Variants in CAPN8 observed in about 807,000 individuals in gnomAD.
The protein encoded by CAPN8 is calpain 8.
In CAPN8, 87 loss-of-function variants were observed where a neutral mutation model predicts 80.9. The ratio of observed to expected loss-of-function variants is 1.07; its 90% CI spans 0.90 to 1.28. CAPN8 has a LOEUF of 1.28. Ranked by LOEUF, CAPN8 falls within the 50% of genes most tolerant of loss-of-function variation. The probability of loss-of-function intolerance (pLI) is 0.00; values close to 1 mark genes in which losing one functional copy is unlikely to be tolerated. For synonymous variants in CAPN8, 299 were observed against 273.8 expected (o/e 1.09, Z -0.91); for missense variants, 757 against 702.0 (o/e 1.08, Z -0.89).
intron 2 of CAPN8, among the ~76,000 whole-genome samples, chr1:223,639,947 G>A (rs936762138): frequency 5.9e-5 from 9 of 152,238 alleles, no homozygotes; most frequent in African/African-American, 2.2e-4. Context: ...CCATGTGGAA[G>A]CTGAAGTAAA....
At chr1:223,628,424 G>A (rs779674034) in intron 3 of CAPN8, among the ~76,000 whole-genome samples, 1 of 152,226 alleles carries the variant, frequency 6.6e-6, no homozygotes, top group African/African-American at 2.4e-5. Context: ...TCAGTCCACA[G>A]GGCTTTCCTG....
intron 2 of CAPN8, among the ~76,000 whole-genome samples, chr1:223,649,019 A>G (rs1405251194): frequency 1.3e-5 from 2 of 152,208 alleles, no homozygotes; most frequent in Non-Finnish European, 2.9e-5. Context: ...ACCTAGTAGC[A>G]TGTGTTATTC....
chr1:223,624,622 G>A (rs1358803454), intron 6 of CAPN8, among the ~76,000 whole-genome samples: 1 of 152,054 alleles, frequency 6.6e-6, no homozygotes, highest in African/African-American at 2.4e-5. Context: ...GCTGAAGCAG[G>A]AGGGTCACTT....
At chr1:223,639,257 A>T (rs1657985543) in intron 2 of CAPN8, among the ~76,000 whole-genome samples, 1 of 152,182 alleles carries the variant, frequency 6.6e-6, no homozygotes, top group Admixed American at 6.5e-5. Context: ...AAAAAAATAA[A>T]ATAAAATAAA....
At chr1:223,623,364 T>C (rs974544821) in intron 6 of CAPN8, among the ~76,000 whole-genome samples, 1 of 152,234 alleles carries the variant, frequency 6.6e-6, no homozygotes, top group Non-Finnish European at 1.5e-5. Context: ...AGATAAAGAA[T>C]TATCTTCATT....
intron 11 of CAPN8, 135 bp from the exon 12 acceptor site, chr1:223,609,499 C>A (rs1656979899): frequency 2.5e-6 from 1 of 397,102 alleles, no homozygotes. Context: ...GCCGTGGATT[C>A]TGTTGTGAAC....
chr1:223,643,614 C>T (rs12405993), intron 2 of CAPN8, among the ~76,000 whole-genome samples: 29,543 of 152,242 alleles, frequency 0.19, 2,933 homozygotes, highest in South Asian at 0.27. Flanking sequence ...ACTGGCCAGG[C>T]TGGTGGGCAG....
rs1177730205 is a variant in CAPN8, at chr1:223,545,269, C to A, written c.1795G>T (p.Glu599Ter). Residue 599 changes from glutamate to a stop codon, truncating the protein, a stop_gained, in exon 17 of 21, where the codon GAA becomes TAA. Transcript: ENST00000366872. LOFTEE classifies it high-confidence loss of function. The stretch of plus-strand genomic sequence containing the variant: ...ATCTTCAGCCAGAGCGTCTTGAATT[C>A]CACCGCCCCCAAAGTGCCCGTTCCA... ...SNGTGTLGAV[E>*]FKTLWLKIQK... 12 of 1,551,510 alleles carry A rather than the reference C, an allele frequency of 7.7e-6. No individual in the cohort carries two copies. Among genetic ancestry groups the A allele is most frequent in the Non-Finnish European group, 9.6e-6 (11 of 1,146,958 alleles).
At chr1:223,649,738 A>G (rs1658295926) in intron 2 of CAPN8, among the ~76,000 whole-genome samples, 1 of 152,220 alleles carries the variant, frequency 6.6e-6, no homozygotes, top group African/African-American at 2.4e-5. Flanking sequence ...TGTGTTTTCA[A>G]ATGATTTAAT....
intron 9 of CAPN8, among the ~76,000 whole-genome samples, chr1:223,616,664 C>T (rs1022137519): frequency 3.3e-5 from 5 of 152,228 alleles, no homozygotes; most frequent in African/African-American, 1.2e-4. Context: ...CTCTTGCCAT[C>T]TGATTGACAC....
Position 223,625,844 on chromosome 1 carries a change from C to T in CAPN8, c.774G>A (p.Leu258=). Residue 258 remains leucine (L), a synonymous_variant, in exon 6 of 21, where the codon CTG becomes CTA. Transcript: ENST00000366872. Reference sequence around the variant, plus strand: ...TGACAGAGTACGCATGACTCTTAACCAGCTTCTGGCTGGTGATGGCTTCGG... The same window carrying T: ...TGACAGAGTACGCATGACTCTTAACTAGCTTCTGGCTGGTGATGGCTTCGG... ...AEAEAITSQK[L]VKSHAYSVTG... is the part of the protein sequence containing the mutation. The T allele has an allele frequency of 6.4e-7, 1 of 1,551,584 alleles. No individual in the cohort carries two copies. Among genetic ancestry groups the T allele is most frequent in the Non-Finnish European group, 8.7e-7 (1 of 1,146,840 alleles).
intron 6 of CAPN8, among the ~76,000 whole-genome samples, chr1:223,624,728 A>C: frequency 6.6e-6 from 1 of 151,868 alleles, no homozygotes; most frequent in East Asian, 1.9e-4. Flanking sequence ...TAAATAAATA[A>C]ATAAATAAAT....
At chr1:223,622,664 C>G (rs1657434986) in intron 7 of CAPN8, 151 bp downstream of exon 7, 1 of 649,270 alleles carries the variant, frequency 1.5e-6, no homozygotes, top group African/African-American at 1.8e-5. Flanking sequence ...AGCCTGGATC[C>G]ATTTAATACT....
At position 223,628,147 on chromosome 1, in the gene CAPN8, G is replaced by A. The variant is rs797020218; in HGVS notation, c.427-5C>T. 6.5e-7 allele frequency: 1 copy of A among 1,540,972 alleles called. No homozygotes were observed. The highest frequency in any genetic ancestry group is 8.8e-7 in the Non-Finnish European group (1 of 1,141,028). Reference sequence around the variant, plus strand: ...CCACTCTCCGTACTGCCAGAACTGGGGAGGGGGGACACAGCGGCTGCTCAC... The same window carrying A: ...CCACTCTCCGTACTGCCAGAACTGGAGAGGGGGGACACAGCGGCTGCTCAC... On this transcript the variant is annotated splice_region_variant and splice_polypyrimidine_tract_variant and intron_variant, in intron 3 of 20. Coordinates refer to ENST00000366872, the MANE Select transcript of CAPN8 (RefSeq NM_001143962.2).
chr1:223,658,540 C>T lies in CAPN8; in HGVS notation c.238-4141G>A, dbSNP rs139589124. On this transcript the variant is annotated intron_variant, in intron 1 of 20. Coordinates refer to ENST00000366872, the MANE Select transcript of CAPN8 (RefSeq NM_001143962.2). ...GCTTTGGGCTGGGCATGGTGGCTTA[C>T]GTCTGTAATCCCAGCACTTTGGGAA... 1.7e-3 allele frequency among the ~76,000 whole-genome samples: 262 copies of T among 152,182 alleles called. 2 individuals are homozygous for T. Among genetic ancestry groups the T allele is most frequent in the African/African-American group, 6.0e-3 (251 of 41,516 alleles).
chr1:223,637,554 TGTTTAAGTTCCC>T (rs1355023963), intron 2 of CAPN8, among the ~76,000 whole-genome samples: 2 of 152,162 alleles, frequency 1.3e-5, no homozygotes, highest in Non-Finnish European at 2.9e-5. Flanking sequence ...CAGGATCCTC[TGTTTAAGTTCCC>T]GTCCTCTTAG....
intron 2 of CAPN8, among the ~76,000 whole-genome samples, chr1:223,633,059 C>T (rs971520053): frequency 6.6e-6 from 1 of 152,216 alleles, no homozygotes; most frequent in Admixed American, 6.5e-5. Context: ...CAGTGTGAGT[C>T]TAGCTCTCCA....
Position 223,626,030 on chromosome 1 carries a change from G to A in CAPN8, c.730-142C>T, listed in dbSNP as rs147307398. 1,486 of 624,124 alleles carry A rather than the reference G, an allele frequency of 2.4e-3. 19 individuals are homozygous for A. Among genetic ancestry groups the A allele is most frequent in the African/African-American group, 0.02 (1,098 of 55,266 alleles). The allele number at this position is 624,124 out of a possible 1,614,324, so 38.7% of individuals were successfully genotyped here. ...GTGTAGGCATGGCTATGAACCTCAG[G>A]TAAAGAGTCATCTCCATCCAGACTC... On this transcript the variant is annotated intron_variant, in intron 5 of 20. Transcript: ENST00000366872.
intron 14 of CAPN8, among the ~76,000 whole-genome samples, chr1:223,553,365 C>T (rs940808663): frequency 1.6e-4 from 25 of 152,178 alleles, no homozygotes; most frequent in African/African-American, 4.1e-4. Context: ...TCCCAGAGGG[C>T]GGGCAGGGCT....
Sources: gnomAD v4.1 joint callset for allele counts (sites outside exome capture counted in the v4.1 genomes callset) on GRCh38, gnomAD v4.1.1 for gene constraint, MANE v1.5 for transcripts, NCBI Gene and HGNC (gene_info 2026-07-23, HGNC 2026-07-21) for gene names.